The following PLEKHA5 variants were observed in gnomAD, a reference collection of about 807,000 sequenced individuals.
PLEKHA5 encodes the protein pleckstrin homology domain-containing family A member 5.
Under a neutral mutation model 181.9 loss-of-function variants are expected in PLEKHA5, and 55 were observed. The observed-to-expected ratio is 0.30, with a 90% CI of 0.24 to 0.38. The LOEUF (loss-of-function observed/expected upper bound fraction) is 0.38. Among genes scored for constraint, PLEKHA5 ranks in the 10% least tolerant of loss-of-function variants. PLEKHA5 has a pLI of 1.00. For synonymous variants in PLEKHA5, 535 were observed against 529.4 expected, an observed-to-expected ratio of 1.01 and a Z score of -0.15; for missense variants, 1,432 against 1,549.5, an observed-to-expected ratio of 0.92 and a Z score of 1.27.
chr12:19,212,549 C>T (rs1036528090), intron 3 of PLEKHA5, among the ~76,000 whole-genome samples: 2 of 151,762 alleles, frequency 1.3e-5, no homozygotes, highest in African/African-American at 2.4e-5. Flanking sequence ...GGCATGGTGG[C>T]GGGTGCCTGT....
intron 21 of PLEKHA5, among the ~76,000 whole-genome samples, chr12:19,341,698 A>G (rs1361013033): frequency 6.6e-6 from 1 of 151,822 alleles, no homozygotes; most frequent in Non-Finnish European, 1.5e-5. Flanking sequence ...TCTTTTGATC[A>G]ACTCCCAAGT....
chr12:19,349,184 A>T (rs148857066), intron 25 of PLEKHA5, among the ~76,000 whole-genome samples: 10 of 151,678 alleles, frequency 6.6e-5, no homozygotes, highest in African/African-American at 2.4e-4. Flanking sequence ...TGGAGCAAAC[A>T]TGGCTCACTG....
intron 21 of PLEKHA5, among the ~76,000 whole-genome samples, chr12:19,341,543 T>G (rs2093928667): frequency 6.6e-6 from 1 of 152,118 alleles, no homozygotes; most frequent in Non-Finnish European, 1.5e-5. Context: ...ATGGGTACTT[T>G]CTTTTTTTTT....
intron 15 of PLEKHA5, among the ~76,000 whole-genome samples, chr12:19,311,926 C>A (rs1200728021): frequency 6.6e-6 from 1 of 152,108 alleles, no homozygotes; most frequent in Non-Finnish European, 1.5e-5. Flanking sequence ...CAGCTAGAGC[C>A]TTATGAAATG....
At chr12:19,289,125 T>C (rs2077847181) in intron 13 of PLEKHA5, among the ~76,000 whole-genome samples, 1 of 152,202 alleles carries the variant, frequency 6.6e-6, no homozygotes, top group South Asian at 2.1e-4. Flanking sequence ...GGTCACGAGA[T>C]AGGATTGGCA....
At chr12:19,144,499 A>G (rs929575595) in intron 3 of PLEKHA5, among the ~76,000 whole-genome samples, 7 of 152,176 alleles carry the variant, frequency 4.6e-5, no homozygotes, top group Admixed American at 3.3e-4. Flanking sequence ...TTCTGCTTAT[A>G]TCATGCTTTC....
At chr12:19,283,102 A>T (rs2076520904) in intron 11 of PLEKHA5, among the ~76,000 whole-genome samples, 178 bp from the exon 12 acceptor site, 1 of 129,656 alleles carries the variant, frequency 7.7e-6, no homozygotes, top group African/African-American at 2.9e-5. Flanking sequence ...AGCCGAGATC[A>T]CGCCATTGCA....
intron 15 of PLEKHA5, among the ~76,000 whole-genome samples, chr12:19,305,558 CAAA>C (rs35582080): frequency 3.0e-4 from 35 of 117,372 alleles, no homozygotes; most frequent in East Asian, 5.3e-4. Flanking sequence ...GACTGTGTCT[CAAA>C]AAAAAAAAAA....
At chr12:19,200,714 A>G (rs1333816477) in intron 3 of PLEKHA5, 2 of 997,570 alleles carry the variant, frequency 2.0e-6, no homozygotes, top group South Asian at 4.6e-5. Flanking sequence ...AAACCAAGGA[A>G]GGAATTTTGA....
intron 3 of PLEKHA5, among the ~76,000 whole-genome samples, chr12:19,234,106 G>C (rs558076319): frequency 6.6e-6 from 1 of 152,264 alleles, no homozygotes; most frequent in South Asian, 2.1e-4. Context: ...CTCTTTAACA[G>C]GGCATCCTTT....
At chr12:19,350,546 G>A (rs928746272) in intron 25 of PLEKHA5, among the ~76,000 whole-genome samples, 50 of 152,166 alleles carry the variant, frequency 3.3e-4, no homozygotes, top group Non-Finnish European at 6.6e-4. Context: ...AGAGGCGGGC[G>A]GATCACAAGG....
chr12:19,291,614 G>C, intron 14 of PLEKHA5, 30 bp from the exon 15 acceptor site: 1 of 1,348,054 alleles, frequency 7.4e-7, no homozygotes, highest in South Asian at 1.3e-5. Context: ...CTCTTTCTCT[G>C]TCCCTTTTTT....
At chr12:19,229,101 GT>G (rs2060082774) in intron 3 of PLEKHA5, among the ~76,000 whole-genome samples, 3 of 152,136 alleles carry the variant, frequency 2.0e-5, no homozygotes, top group Admixed American at 6.5e-5. Context: ...GTTAAAACTT[GT>G]TTTTGTTTTT....
intron 2 of PLEKHA5, 140 bp from the exon 3 acceptor site, chr12:19,132,253 T>C: frequency 1.6e-6 from 1 of 611,300 alleles, no homozygotes; most frequent in South Asian, 2.0e-5. Context: ...ATATCTGTTG[T>C]ATTGCCAGCT....
chr12:19,210,460 T>G (rs2056682405), intron 3 of PLEKHA5, among the ~76,000 whole-genome samples: 1 of 152,174 alleles, frequency 6.6e-6, no homozygotes, highest in African/African-American at 2.4e-5. Context: ...AGTTCTGGAT[T>G]TTAGGAATTG....
At chr12:19,213,855 C>G (rs531329959) in intron 3 of PLEKHA5, among the ~76,000 whole-genome samples, 1 of 152,200 alleles carries the variant, frequency 6.6e-6, no homozygotes, top group Admixed American at 6.5e-5. Context: ...AGGGGAAAAA[C>G]AGGTTTAACT....
chr12:19,204,068 A>G (rs2054822365), intron 3 of PLEKHA5, among the ~76,000 whole-genome samples: 1 of 151,968 alleles, frequency 6.6e-6, no homozygotes, highest in African/African-American at 2.4e-5. Context: ...AGCTGTTTCC[A>G]TGGGATGGCT....
intron 23 of PLEKHA5, 79 bp from the exon 24 acceptor site, chr12:19,346,915 A>T: frequency 1.1e-6 from 1 of 894,032 alleles, no homozygotes; most frequent in Non-Finnish European, 1.6e-6. Context: ...AATTTAAGTT[A>T]ATATACCATT....
intron 3 of PLEKHA5, among the ~76,000 whole-genome samples, chr12:19,183,199 G>A (rs956571264): frequency 1.3e-5 from 2 of 152,146 alleles, no homozygotes; most frequent in Non-Finnish European, 2.9e-5. Flanking sequence ...AAATATTATT[G>A]TATTTTACAT....
Sources: gnomAD v4.1 joint callset for allele counts (sites outside exome capture counted in the v4.1 genomes callset) on GRCh38, gnomAD v4.1.1 for gene constraint, MANE v1.5 for transcripts, NCBI Gene and HGNC (gene_info 2026-07-23, HGNC 2026-07-21) for gene names.